Variants in CYP7B1 observed in about 807,000 individuals in gnomAD.
CYP7B1 encodes cytochrome P450 7B1.
A neutral mutation model predicts 42.7 loss-of-function variants in CYP7B1; 29 were observed. The ratio of observed to expected loss-of-function variants is 0.68; its 90% CI spans 0.51 to 0.93. The LOEUF (loss-of-function observed/expected upper bound fraction) is 0.93, where lower values mean the gene tolerates loss of function less well. Ranked by LOEUF, CYP7B1 falls within the 40% of genes least tolerant of loss-of-function variation. CYP7B1 has a pLI of 0.00. For missense variants in CYP7B1, 655 were observed against 600.5 expected, an observed-to-expected ratio of 1.09 and a Z score of -0.95; for synonymous variants, 235 against 218.2, an observed-to-expected ratio of 1.08 and a Z score of -0.68.
At chr8:64,630,159 GA>G (rs1481245453) in intron 1 of CYP7B1, among the ~76,000 whole-genome samples, 1 of 151,810 alleles carries the variant, frequency 6.6e-6, no homozygotes, top group Non-Finnish European at 1.5e-5. Context: ...GAAGTGGGGG[GA>G]AAGAGTCTTA....
chr8:64,609,528 A>G, intron 4 of CYP7B1, among the ~76,000 whole-genome samples: 1 of 152,178 alleles, frequency 6.6e-6, no homozygotes, highest in East Asian at 1.9e-4. Flanking sequence ...GCCATTTTCT[A>G]ATTGTGTATC....
chr8:64,666,410 T>C (rs991262635), intron 1 of CYP7B1, among the ~76,000 whole-genome samples: 3 of 152,176 alleles, frequency 2.0e-5, no homozygotes, highest in Admixed American at 6.5e-5. Flanking sequence ...GAATATTATA[T>C]TTTAGGAATA....
At chr8:64,670,941 G>T (rs1219134164) in intron 1 of CYP7B1, among the ~76,000 whole-genome samples, 1 of 152,002 alleles carries the variant, frequency 6.6e-6, no homozygotes, top group African/African-American at 2.4e-5. Context: ...CAGTGCTGTG[G>T]CTTAATTATT....
intron 1 of CYP7B1, among the ~76,000 whole-genome samples, chr8:64,636,166 C>T (rs1805767462): frequency 6.6e-6 from 1 of 152,174 alleles, no homozygotes. Flanking sequence ...TTCTAGGGTT[C>T]TAACCCTCAT....
intron 1 of CYP7B1, among the ~76,000 whole-genome samples, chr8:64,721,050 A>T (rs998122562): frequency 6.6e-6 from 1 of 151,974 alleles, no homozygotes; most frequent in Non-Finnish European, 1.5e-5. Context: ...AAAATCAAAC[A>T]TCATCACAAA....
At chr8:64,708,175 G>T (rs1247646837) in intron 1 of CYP7B1, among the ~76,000 whole-genome samples, 1 of 152,130 alleles carries the variant, frequency 6.6e-6, no homozygotes, top group Non-Finnish European at 1.5e-5. Context: ...ATTTAAGTGT[G>T]AATCTGACTT....
chr8:64,703,119 G>T (rs1378522567), intron 1 of CYP7B1, among the ~76,000 whole-genome samples: 2 of 151,948 alleles, frequency 1.3e-5, no homozygotes, highest in Admixed American at 1.3e-4. Flanking sequence ...TAGAGATGGG[G>T]TGAAAGGGCC....
At chr8:64,661,577 A>G (rs1190346698) in intron 1 of CYP7B1, among the ~76,000 whole-genome samples, 2 of 152,246 alleles carry the variant, frequency 1.3e-5, no homozygotes, top group African/African-American at 4.8e-5. Flanking sequence ...AAACTGTTTA[A>G]TAGTGTTAAT....
rs1554525131 is a variant in CYP7B1 at position 64,618,570 on chromosome 8, T to TTTTCTCTC, written c.260-2290_260-2289insGAGAGAAA. ...ATCATTACAAATACACACATTCATT[T>TTTTCTCTC]TCTCTCTCTCTCTCTCTCTTTCTCT... On this transcript the variant is annotated intron_variant, in intron 2 of 5. Coordinates refer to ENST00000310193, the MANE Select transcript of CYP7B1 (RefSeq NM_004820.5). Among the ~76,000 whole-genome samples, 5 of 146,354 alleles carry TTTTCTCTC rather than the reference T, an allele frequency of 3.4e-5. No homozygotes were observed. In the South Asian group the frequency reaches 8.7e-4, roughly 25 times the overall value.
intron 1 of CYP7B1, among the ~76,000 whole-genome samples, chr8:64,705,229 T>TGGG (rs35742128): frequency 6.7e-5 from 10 of 149,876 alleles, no homozygotes; most frequent in African/African-American, 2.5e-4. Context: ...TTCAAAAAGG[T>TGGG]GGGGGGGGGA....
intron 1 of CYP7B1, among the ~76,000 whole-genome samples, chr8:64,675,116 T>G (rs1806425746): frequency 6.6e-6 from 1 of 152,136 alleles, no homozygotes; most frequent in African/African-American, 2.4e-5. Context: ...AGGTATACAC[T>G]TGGCCCTCCT....
intron 1 of CYP7B1, among the ~76,000 whole-genome samples, chr8:64,779,573 T>C (rs1466446099): frequency 1.3e-5 from 2 of 152,132 alleles, no homozygotes; most frequent in East Asian, 3.9e-4. Context: ...TGAAATACAA[T>C]ACTACAACAC....
rs1805426559 is a variant in CYP7B1, at chr8:64,615,602, A to T, written c.850+89T>A. 2.3e-6 allele frequency: 3 copies of T among 1,285,268 alleles called. No homozygotes were observed. The East Asian group carries it at 6.9e-5, about 30-fold the overall frequency. 79.6% of individuals were successfully genotyped at this position (1,285,268 alleles called of 1,614,324 possible). A position where few individuals can be genotyped will look rare whatever the true frequency, so the allele number is the denominator to read the frequency against. On this transcript the variant is annotated intron_variant, in intron 3 of 5. Coordinates refer to ENST00000310193, the MANE Select transcript of CYP7B1 (RefSeq NM_004820.5). Reference sequence around the variant, plus strand: ...TAGCCAATTAGAAAGAGCATAAAAAATTTTCAAGGTCGCCATTTTGTCTTT... The same window carrying T: ...TAGCCAATTAGAAAGAGCATAAAAATTTTTCAAGGTCGCCATTTTGTCTTT...
chr8:64,727,341 T>C (rs916064865), intron 1 of CYP7B1, among the ~76,000 whole-genome samples: 1 of 152,350 alleles, frequency 6.6e-6, no homozygotes, highest in South Asian at 2.1e-4. Flanking sequence ...AATGACATAA[T>C]TCCCTAGCAT....
At chr8:64,730,471 G>T (rs1198931462) in intron 1 of CYP7B1, among the ~76,000 whole-genome samples, 1 of 152,142 alleles carries the variant, frequency 6.6e-6, no homozygotes, top group Non-Finnish European at 1.5e-5. Context: ...CATGCTTTGT[G>T]ATCTGTGCAT....
At chr8:64,638,346 C>T (rs1563372402) in intron 1 of CYP7B1, among the ~76,000 whole-genome samples, 2 of 151,998 alleles carry the variant, frequency 1.3e-5, no homozygotes, top group Non-Finnish European at 2.9e-5. Flanking sequence ...TGATGAGCTA[C>T]CTCTCTTTTG....
chr8:64,645,056 C>T (rs1334082515), intron 1 of CYP7B1, among the ~76,000 whole-genome samples: 3 of 151,600 alleles, frequency 2.0e-5, no homozygotes, highest in Non-Finnish European at 4.4e-5. Context: ...TGATGATTTC[C>T]AATTTCATCC....
chr8:64,790,433 G>T (rs1441767234), intron 1 of CYP7B1, among the ~76,000 whole-genome samples: 2 of 152,214 alleles, frequency 1.3e-5, no homozygotes, highest in Admixed American at 1.3e-4. Flanking sequence ...ACTCTGTGGT[G>T]TGAGTGTCCA....
intron 1 of CYP7B1, among the ~76,000 whole-genome samples, chr8:64,695,852 T>C (rs1237376926): frequency 6.6e-6 from 1 of 152,140 alleles, no homozygotes; most frequent in African/African-American, 2.4e-5. Flanking sequence ...TTTTGTAATC[T>C]GGCTGCTTTT....
Sources: gnomAD v4.1 joint callset for allele counts (sites outside exome capture counted in the v4.1 genomes callset) on GRCh38, gnomAD v4.1.1 for gene constraint, MANE v1.5 for transcripts, NCBI Gene and HGNC (gene_info 2026-07-23, HGNC 2026-07-21) for gene names.